The following PAK6 variants were observed in gnomAD, a reference collection of about 807,000 sequenced individuals.
PAK6 encodes the protein serine/threonine-protein kinase PAK 6.
In PAK6, 33 loss-of-function variants were observed where a neutral mutation model predicts 60.8. That is an observed-to-expected ratio of 0.54 (90% CI 0.41 to 0.73). The LOEUF is 0.73. Among genes scored for constraint, PAK6 ranks in the 30% least tolerant of loss-of-function variants. PAK6 has a pLI of 0.00. For synonymous variants in PAK6, 404 were observed against 378.5 expected, an observed-to-expected ratio of 1.07 and a Z score of -0.78; for missense variants, 845 against 904.1, an observed-to-expected ratio of 0.93 and a Z score of 0.84.
exon 5 of PAK6, chr15:40,266,131 G>T (rs1356881607): frequency 6.2e-7 from 1 of 1,609,888 alleles, no homozygotes; most frequent in Admixed American, 1.7e-5. Flanking sequence ...GAGCCACAGA[G>T]CCCACGGGTC....
chr15:40,249,783 A>G (rs2038610675), intron 2 of PAK6, among the ~76,000 whole-genome samples: 1 of 152,244 alleles, frequency 6.6e-6, no homozygotes, highest in South Asian at 2.1e-4. Context: ...CGACAGCCAC[A>G]GGCTGAGGGA....
chr15:40,274,064 C>A, intron 9 of PAK6, 78 bp from the exon 10 acceptor site: 1 of 1,543,264 alleles, frequency 6.5e-7, no homozygotes, highest in Non-Finnish European at 8.9e-7. Context: ...GTCCCCCCTC[C>A]ACCACTGCTG....
intron 3 of PAK6, among the ~76,000 whole-genome samples, chr15:40,254,087 C>G (rs1266178176): frequency 1.3e-5 from 2 of 152,218 alleles, no homozygotes; most frequent in African/African-American, 4.8e-5. Flanking sequence ...TGGCCGAAGA[C>G]ACATTTGGAA....
chr15:40,274,825 C>T (rs1345600799), intron 10 of PAK6, among the ~76,000 whole-genome samples: 2 of 152,192 alleles, frequency 1.3e-5, no homozygotes, highest in Non-Finnish European at 2.9e-5. Flanking sequence ...GCCCCAACCC[C>T]GCAGGCCTTA....
chr15:40,265,072 G>A, intron 4 of PAK6, 83 bp downstream of exon 4: 1 of 1,225,548 alleles, frequency 8.2e-7, no homozygotes, highest in East Asian at 2.5e-5. Flanking sequence ...AAAGGCCCCT[G>A]GAGGAACCAC....
chr15:40,264,606 C>A, intron 3 of PAK6, 175 bp from the exon 4 acceptor site: 1 of 641,206 alleles, frequency 1.6e-6, no homozygotes, highest in Non-Finnish European at 2.8e-6. Context: ...TGGGACTGTT[C>A]TGCTGGGAGC....
intron 2 of PAK6, chr15:40,252,634 G>A: frequency 9.7e-6 from 13 of 1,336,438 alleles, no homozygotes; most frequent in Non-Finnish European, 1.3e-5. Flanking sequence ...CCCTCCCGCG[G>A]AGGGCGGGCC....
intron 3 of PAK6, among the ~76,000 whole-genome samples, chr15:40,264,215 A>G (rs1314056474): frequency 6.6e-6 from 1 of 151,964 alleles, no homozygotes. Flanking sequence ...GACAAAGCTG[A>G]GTTGTAATAA....
chr15:40,265,589 A>T (rs542140283), intron 4 of PAK6, among the ~76,000 whole-genome samples: 49 of 152,330 alleles, frequency 3.2e-4, no homozygotes, highest in African/African-American at 1.2e-3. Context: ...TGCTGGATGC[A>T]GCCCCATGGC....
intron 9 of PAK6, 118 bp from the exon 10 acceptor site, chr15:40,274,024 C>T: frequency 8.1e-7 from 1 of 1,230,250 alleles, no homozygotes; most frequent in Non-Finnish European, 1.2e-6. Context: ...AGGAAGGAGA[C>T]AGACCCACCA....
At chr15:40,249,196 A>G (rs1437460163) in intron 2 of PAK6, among the ~76,000 whole-genome samples, 1 of 152,114 alleles carries the variant, frequency 6.6e-6, no homozygotes, top group African/African-American at 2.4e-5. Flanking sequence ...CCCATTCATG[A>G]GGGCTCTGCT....
chr15:40,261,043 C>T (rs551268322), intron 3 of PAK6, among the ~76,000 whole-genome samples: 6 of 151,996 alleles, frequency 3.9e-5, no homozygotes, highest in South Asian at 2.1e-4. Flanking sequence ...TGCCCACCAC[C>T]ACACCCGGCT....
At chr15:40,266,050 C>T (rs748178787) in exon 5 of PAK6, 3 of 1,608,908 alleles carry the variant, frequency 1.9e-6, no homozygotes, top group Non-Finnish European at 2.5e-6. Context: ...TCTGAGCGCA[C>T]TGACCCCCAC....
At chr15:40,254,501 G>C (rs1233157964) in intron 3 of PAK6, among the ~76,000 whole-genome samples, 1 of 152,200 alleles carries the variant, frequency 6.6e-6, no homozygotes, top group Non-Finnish European at 1.5e-5. Context: ...TTGGGCATCA[G>C]AAACAGCAGC....
chr15:40,240,607 G>A (rs561729555), exon 2 of PAK6: 12 of 420,274 alleles, frequency 2.9e-5, no homozygotes, highest in East Asian at 7.7e-5. Flanking sequence ...AGGGAGTGCC[G>A]CTTCCTGGGC....
intron 5 of PAK6, among the ~76,000 whole-genome samples, chr15:40,271,174 C>T (rs1052859229): frequency 1.3e-5 from 2 of 152,212 alleles, no homozygotes; most frequent in Non-Finnish European, 2.9e-5. Flanking sequence ...AACACGTAAT[C>T]CCTGGGAGGG....
chr15:40,242,227 A>G (rs935668866), intron 2 of PAK6, among the ~76,000 whole-genome samples: 1 of 152,136 alleles, frequency 6.6e-6, no homozygotes, highest in Non-Finnish European at 1.5e-5. Context: ...TCTGTGGGAG[A>G]GGCCCTCTGC....
intron 3 of PAK6, chr15:40,264,325 A>C (rs910156907): frequency 2.6e-6 from 1 of 388,872 alleles, no homozygotes; most frequent in Non-Finnish European, 5.1e-6. Context: ...TATTGAGTCA[A>C]ATTTTCCTTT....
chr15:40,274,021 A>T (rs972693172), intron 9 of PAK6, 121 bp from the exon 10 acceptor site: 1 of 1,190,024 alleles, frequency 8.4e-7, no homozygotes, highest in Non-Finnish European at 1.2e-6. Flanking sequence ...GGGAGGAAGG[A>T]GACAGACCCA....
Sources: gnomAD v4.1 joint callset for allele counts (sites outside exome capture counted in the v4.1 genomes callset) on GRCh38, gnomAD v4.1.1 for gene constraint, MANE v1.5 for transcripts, NCBI Gene and HGNC (gene_info 2026-07-23, HGNC 2026-07-21) for gene names.